Variants in NBEA observed in about 807,000 individuals in gnomAD.
NBEA encodes the protein lysosomal-trafficking regulator 2.
NBEA carries 44 observed loss-of-function variants against 343.4 expected under a neutral mutation model. That is an observed-to-expected ratio of 0.13 (90% CI 0.10 to 0.16). The LOEUF (loss-of-function observed/expected upper bound fraction) is 0.16, where lower values mean the gene tolerates loss of function less well. NBEA is among the 10% of genes least tolerant of loss of function. NBEA has a pLI of 1.00. For missense variants in NBEA, 2,555 were observed against 3,631.3 expected, an observed-to-expected ratio of 0.70 and a Z score of 7.62; for synonymous variants, 1,175 against 1,238.7, an observed-to-expected ratio of 0.95 and a Z score of 1.08.
At chr13:35,093,916 A>G (rs1223039110) in intron 10 of NBEA, among the ~76,000 whole-genome samples, 2 of 151,814 alleles carry the variant, frequency 1.3e-5, no homozygotes, top group Non-Finnish European at 2.9e-5. Flanking sequence ...ATATGAAAGG[A>G]GCTTATAATA....
intron 45 of NBEA, among the ~76,000 whole-genome samples, chr13:35,567,666 G>A (rs983773347): frequency 6.6e-6 from 1 of 152,200 alleles, no homozygotes; most frequent in African/African-American, 2.4e-5. Flanking sequence ...TAAAGTTTAT[G>A]TATGTTAGCC....
At chr13:35,326,107 G>T (rs1422340840) in intron 36 of NBEA, among the ~76,000 whole-genome samples, 1 of 152,020 alleles carries the variant, frequency 6.6e-6, no homozygotes, top group Non-Finnish European at 1.5e-5. Context: ...TGTTCTTCTT[G>T]CTTAGGGTTG....
chr13:35,220,305 C>G (rs1367694657), intron 33 of NBEA, among the ~76,000 whole-genome samples: 1 of 152,096 alleles, frequency 6.6e-6, no homozygotes, highest in African/African-American at 2.4e-5. Flanking sequence ...TTTTTTGTTG[C>G]TCATCATTCT....
At chr13:35,452,577 T>G (rs1253372646) in intron 40 of NBEA, among the ~76,000 whole-genome samples, 1 of 152,176 alleles carries the variant, frequency 6.6e-6, no homozygotes, top group Non-Finnish European at 1.5e-5. Flanking sequence ...TACGTGTATC[T>G]CCAACATGCT....
At chr13:35,574,270 A>G (rs1290370160) in intron 45 of NBEA, among the ~76,000 whole-genome samples, 3 of 147,170 alleles carry the variant, frequency 2.0e-5, no homozygotes, top group Non-Finnish European at 4.5e-5. Flanking sequence ...TTATTTCTCC[A>G]TAATACATAG....
chr13:35,614,935 G>A (rs2082669063), intron 48 of NBEA, among the ~76,000 whole-genome samples: 1 of 152,034 alleles, frequency 6.6e-6, no homozygotes, highest in South Asian at 2.1e-4. Flanking sequence ...TATCATAATG[G>A]CAATGATAGT....
intron 33 of NBEA, among the ~76,000 whole-genome samples, chr13:35,226,287 T>C (rs2074646586): frequency 6.6e-6 from 1 of 152,072 alleles, no homozygotes; most frequent in South Asian, 2.1e-4. Context: ...TTCACACTGC[T>C]CCTAATGAGG....
chr13:35,099,913 T>C (rs555543528), intron 11 of NBEA, among the ~76,000 whole-genome samples: 1 of 152,252 alleles, frequency 6.6e-6, no homozygotes, highest in East Asian at 1.9e-4. Flanking sequence ...TTATAACAAA[T>C]ACCTATGTCT....
chr13:35,023,116 T>C (rs138319319), intron 1 of NBEA, among the ~76,000 whole-genome samples: 1 of 152,216 alleles, frequency 6.6e-6, no homozygotes, highest in African/African-American at 2.4e-5. Context: ...AAGACAAATA[T>C]AGTTATCAAA....
At chr13:35,562,874 A>G (rs1441847074) in intron 44 of NBEA, among the ~76,000 whole-genome samples, 1 of 152,046 alleles carries the variant, frequency 6.6e-6, no homozygotes, top group African/African-American at 2.4e-5. Flanking sequence ...TTGCAGTTAT[A>G]ATTTCTTTGT....
chr13:35,081,470 T>C (rs946731316), intron 10 of NBEA, among the ~76,000 whole-genome samples: 2 of 152,032 alleles, frequency 1.3e-5, no homozygotes, highest in Non-Finnish European at 2.9e-5. Context: ...GAACTTTTTT[T>C]CATAGAAACA....
chr13:35,361,034 C>T (rs936483650), intron 38 of NBEA, among the ~76,000 whole-genome samples: 5 of 151,874 alleles, frequency 3.3e-5, no homozygotes, highest in African/African-American at 1.2e-4. Flanking sequence ...ATACAATTAT[C>T]CAATTAAGGC....
intron 38 of NBEA, among the ~76,000 whole-genome samples, chr13:35,369,128 C>A (rs1238248648): frequency 6.8e-6 from 1 of 147,136 alleles, no homozygotes; most frequent in Non-Finnish European, 1.5e-5. Context: ...TTTCATGCTG[C>A]AGATGGATAT....
intron 49 of NBEA, among the ~76,000 whole-genome samples, chr13:35,628,657 C>G (rs551724624): frequency 2.0e-5 from 3 of 152,202 alleles, no homozygotes; most frequent in Non-Finnish European, 4.4e-5. Flanking sequence ...GTGGCTCTTG[C>G]CTGTAATTCC....
intron 1 of NBEA, among the ~76,000 whole-genome samples, chr13:34,978,619 T>C (rs2060258425): frequency 6.6e-6 from 1 of 152,196 alleles, no homozygotes; most frequent in African/African-American, 2.4e-5. Flanking sequence ...AGTTAATCCC[T>C]ACCTCCATAC....
chr13:35,650,727 A>G (rs2084476994), intron 52 of NBEA, among the ~76,000 whole-genome samples: 1 of 152,006 alleles, frequency 6.6e-6, no homozygotes, highest in South Asian at 2.1e-4. Context: ...ACAAATCAAA[A>G]CACATTTAGA....
chr13:35,132,459 C>G (rs1039397325), intron 17 of NBEA, among the ~76,000 whole-genome samples: 1 of 152,058 alleles, frequency 6.6e-6, no homozygotes, highest in African/African-American at 2.4e-5. Context: ...TGTGCCCAGC[C>G]AGTACTATTA....
rs1315841945 is a variant in NBEA at position 34,943,011 on chromosome 13, C to T, written c.191C>T (p.Ser64Leu). Residue 64 changes from serine to leucine, a missense_variant, in exon 1 of 59, where the codon TCG (serine) becomes TTG (leucine). Transcript: ENST00000379939. ...CTCCCCGCGGGGATGATTAACCCTTCGGTGCCGATCCGCAACATCCGGATG... is the reference window on the plus strand; with the variant it reads ...CTCCCCGCGGGGATGATTAACCCTTTGGTGCCGATCCGCAACATCCGGATG... ...VMLPAGMINP[S>L]VPIRNIRMKF... The T allele has an allele frequency of 1.9e-6, 3 of 1,612,594 alleles. No homozygotes were observed. The highest frequency in any genetic ancestry group is 1.7e-5 in the Admixed American group (1 of 59,954).
At chr13:35,049,807 T>C (rs1341796535) in intron 5 of NBEA, among the ~76,000 whole-genome samples, 1 of 151,828 alleles carries the variant, frequency 6.6e-6, no homozygotes, top group Non-Finnish European at 1.5e-5. Context: ...CTGCTTTGCT[T>C]GATCAACTGT....
Sources: gnomAD v4.1 joint callset for allele counts (sites outside exome capture counted in the v4.1 genomes callset) on GRCh38, gnomAD v4.1.1 for gene constraint, MANE v1.5 for transcripts, NCBI Gene and HGNC (gene_info 2026-07-23, HGNC 2026-07-21) for gene names.